Variants in C3orf70 observed in about 807,000 individuals in gnomAD.
The protein encoded by C3orf70 is UPF0524 protein C3orf70.
Under a neutral mutation model 20.7 loss-of-function variants are expected in C3orf70, and 15 were observed. That is an observed-to-expected ratio of 0.72 (90% CI 0.48 to 1.11). The LOEUF (loss-of-function observed/expected upper bound fraction) is 1.11, where lower values mean the gene tolerates loss of function less well. Ranked by LOEUF, C3orf70 falls within the 50% of genes most tolerant of loss-of-function variation. The probability of loss-of-function intolerance (pLI) is 0.00; values close to 1 mark genes in which losing one functional copy is unlikely to be tolerated. For missense variants in C3orf70, 332 were observed against 317.6 expected (o/e 1.05, Z -0.34); for synonymous variants, 161 against 125.7 (o/e 1.28, Z -1.88).
chr3:185,100,610 C>A (rs961649259), intron 1 of C3orf70, among the ~76,000 whole-genome samples: 1 of 151,632 alleles, frequency 6.6e-6, no homozygotes, highest in African/African-American at 2.4e-5. Flanking sequence ...ATTTAAAAAC[C>A]TAACATCACA....
chr3:185,086,992 G>C (rs781613889), intron 1 of C3orf70, among the ~76,000 whole-genome samples: 1 of 152,056 alleles, frequency 6.6e-6, no homozygotes, highest in African/African-American at 2.4e-5. Context: ...ATATCCCTGG[G>C]GTATCCTAGG....
intron 1 of C3orf70, among the ~76,000 whole-genome samples, chr3:185,117,722 A>T (rs1177832336): frequency 6.6e-6 from 1 of 152,172 alleles, no homozygotes; most frequent in Non-Finnish European, 1.5e-5. Flanking sequence ...TTTTCCTAGA[A>T]AGGTATACAA....
At chr3:185,087,432 T>C (rs1715481196) in intron 1 of C3orf70, among the ~76,000 whole-genome samples, 1 of 152,196 alleles carries the variant, frequency 6.6e-6, no homozygotes, top group Admixed American at 6.5e-5. Flanking sequence ...GTGTCCATGA[T>C]GGATGAACAG....
intron 1 of C3orf70, among the ~76,000 whole-genome samples, chr3:185,087,005 G>C (rs553548818): frequency 2.0e-5 from 3 of 152,098 alleles, no homozygotes; most frequent in African/African-American, 7.2e-5. Flanking sequence ...ATCCTAGGCC[G>C]AGAATCCATG....
chr3:185,121,152 T>C (rs1561353381), intron 1 of C3orf70, among the ~76,000 whole-genome samples: 4 of 152,114 alleles, frequency 2.6e-5, no homozygotes. Context: ...CATCATACGT[T>C]CTCACTCATA....
intron 1 of C3orf70, among the ~76,000 whole-genome samples, chr3:185,098,177 G>A (rs1389798940): frequency 1.3e-5 from 2 of 152,190 alleles, no homozygotes; most frequent in Non-Finnish European, 2.9e-5. Context: ...GCCTGTCCAG[G>A]TACAGCTGTT....
intron 1 of C3orf70, among the ~76,000 whole-genome samples, chr3:185,086,700 A>G (rs1715465476): frequency 6.6e-6 from 1 of 152,204 alleles, no homozygotes; most frequent in African/African-American, 2.4e-5. Flanking sequence ...GGTGAGGAAG[A>G]TGTGAACCAG....
At chr3:185,147,736 T>G (rs1031733255) in intron 1 of C3orf70, among the ~76,000 whole-genome samples, 2 of 152,258 alleles carry the variant, frequency 1.3e-5, no homozygotes, top group Non-Finnish European at 2.9e-5. Flanking sequence ...CAATTGTCTG[T>G]GTCCTAATTC....
intron 1 of C3orf70, among the ~76,000 whole-genome samples, chr3:185,121,218 G>C (rs1433639955): frequency 6.6e-6 from 1 of 152,100 alleles, no homozygotes; most frequent in Non-Finnish European, 1.5e-5. Flanking sequence ...TGGACATTGG[G>C]GACTTGAGGG....
chr3:185,110,593 A>C (rs1281998657), intron 1 of C3orf70, among the ~76,000 whole-genome samples: 2 of 151,796 alleles, frequency 1.3e-5, no homozygotes, highest in Non-Finnish European at 2.9e-5. Flanking sequence ...AACTGGCCAT[A>C]AACAAAATCT....
At chr3:185,128,710 A>C (rs182157850) in intron 1 of C3orf70, among the ~76,000 whole-genome samples, 1 of 152,198 alleles carries the variant, frequency 6.6e-6, no homozygotes, top group African/African-American at 2.4e-5. Flanking sequence ...TTTATGTAAA[A>C]CAGATAAACA....
rs189554722 is a variant in C3orf70, at chr3:185,097,452, C to T, written c.197-13889G>A. Among the ~76,000 whole-genome samples, 201 of 152,246 alleles carry T rather than the reference C, an allele frequency of 1.3e-3. 2 individuals are homozygous for T. The highest frequency in any genetic ancestry group is 1.7e-3 in the Non-Finnish European group (117 of 68,014). ...AGCTTACTGAATATCCTTGATTATT[C>T]GCCCCCAAAGGAATGGCATATAAAA... On this transcript the variant is annotated intron_variant, in intron 1 of 1. Coordinates refer to ENST00000335012, the MANE Select transcript of C3orf70 (RefSeq NM_001025266.3).
At chr3:185,152,542 C>G (rs1267953319) in intron 1 of C3orf70, 86 bp downstream of exon 1, 1 of 1,251,474 alleles carries the variant, frequency 8.0e-7, no homozygotes, top group African/African-American at 1.6e-5. Context: ...AGCCCCGCGG[C>G]CGCAGAGTTC....
chr3:185,139,550 C>CAAA (rs35792284), intron 1 of C3orf70, among the ~76,000 whole-genome samples: 5 of 135,710 alleles, frequency 3.7e-5, no homozygotes, highest in Non-Finnish European at 6.2e-5. Flanking sequence ...AAGACTGTCT[C>CAAA]AAAAAAAAAA....
At chr3:185,092,543 A>G (rs1715613953) in intron 1 of C3orf70, among the ~76,000 whole-genome samples, 2 of 152,228 alleles carry the variant, frequency 1.3e-5, no homozygotes, top group South Asian at 2.1e-4. Flanking sequence ...TTCATGGGGT[A>G]AAAACAGCAG....
intron 1 of C3orf70, among the ~76,000 whole-genome samples, chr3:185,125,861 A>T (rs1716399130): frequency 6.6e-6 from 1 of 152,208 alleles, no homozygotes; most frequent in African/African-American, 2.4e-5. Context: ...TAGGGCATAA[A>T]AACAGGTTAG....
chr3:185,087,111 A>G (rs749696937), intron 1 of C3orf70, among the ~76,000 whole-genome samples: 3 of 152,242 alleles, frequency 2.0e-5, no homozygotes, highest in African/African-American at 7.2e-5. Context: ...AACAGCAAGG[A>G]TTGAAACGGG....
At chr3:185,097,712 C>T (rs182140254) in intron 1 of C3orf70, among the ~76,000 whole-genome samples, 12 of 152,236 alleles carry the variant, frequency 7.9e-5, no homozygotes, top group African/African-American at 2.4e-4. Flanking sequence ...AGAAAAGAGA[C>T]AGGGAGGAAG....
chr3:185,102,015 A>G (rs571584333), intron 1 of C3orf70, among the ~76,000 whole-genome samples: 1 of 152,322 alleles, frequency 6.6e-6, no homozygotes, highest in East Asian at 1.9e-4. Context: ...AACCAACACA[A>G]GACAAGGATG....
Sources: allele counts gnomAD v4.1 joint callset (sites outside exome capture counted in the v4.1 genomes callset), GRCh38; gene constraint gnomAD v4.1.1; transcripts MANE v1.5; gene names NCBI Gene and HGNC (gene_info 2026-07-23, HGNC 2026-07-21).